The following ROR1 variants were observed in gnomAD, a reference collection of about 807,000 sequenced individuals.
The protein encoded by ROR1 is ROR family WNT receptor 1.
A neutral mutation model predicts 78.8 loss-of-function variants in ROR1; 19 were observed. The observed-to-expected ratio is 0.24, with a 90% CI of 0.17 to 0.35. The LOEUF is 0.35. ROR1 is among the 10% of genes least tolerant of loss of function. ROR1 has a pLI of 1.00. For missense variants in ROR1, 917 were observed against 1,177.8 expected (o/e 0.78, Z 3.24); for synonymous variants, 386 against 433.6 (o/e 0.89, Z 1.36).
intron 1 of ROR1, among the ~76,000 whole-genome samples, chr1:63,863,909 A>T (rs1645199115): frequency 6.6e-6 from 1 of 152,164 alleles, no homozygotes; most frequent in African/African-American, 2.4e-5. Context: ...AATCAATGCT[A>T]GCATTAACTA....
intron 1 of ROR1, among the ~76,000 whole-genome samples, chr1:63,808,255 C>T (rs1216074056): frequency 1.3e-5 from 2 of 152,142 alleles, no homozygotes; most frequent in Non-Finnish European, 2.9e-5. Flanking sequence ...TCTCCTTTTT[C>T]TCCTTCTGTT....
chr1:64,142,882 G>A, intron 7 of ROR1: 1 of 1,359,590 alleles, frequency 7.4e-7, no homozygotes, highest in Non-Finnish European at 9.5e-7. Context: ...TTGCACTCAT[G>A]GATGTAACAG....
At chr1:64,081,704 G>A (rs2100632219) in intron 4 of ROR1, among the ~76,000 whole-genome samples, 1 of 149,634 alleles carries the variant, frequency 6.7e-6, no homozygotes, top group Admixed American at 6.6e-5. Flanking sequence ...CTGGGAGATC[G>A]AGGCTGCAGT....
chr1:63,908,778 G>T (rs189963568), intron 1 of ROR1, among the ~76,000 whole-genome samples: 1 of 152,284 alleles, frequency 6.6e-6, no homozygotes, highest in South Asian at 2.1e-4. Context: ...CTCAGTCTGC[G>T]TAGCTCCTGG....
At chr1:64,067,332 G>C (rs1219246668) in intron 4 of ROR1, among the ~76,000 whole-genome samples, 1 of 151,336 alleles carries the variant, frequency 6.6e-6, no homozygotes, top group African/African-American at 2.4e-5. Context: ...GGGCAACAGA[G>C]GGAGACCCTG....
chr1:63,890,448 A>G (rs1441028120), intron 1 of ROR1, among the ~76,000 whole-genome samples: 2 of 150,392 alleles, frequency 1.3e-5, no homozygotes, highest in Non-Finnish European at 3.0e-5. Flanking sequence ...ATATGAGGGG[A>G]AAAAAGATGA....
At chr1:63,863,709 TTG>T (rs1645196426) in intron 1 of ROR1, among the ~76,000 whole-genome samples, 1 of 32,348 alleles carries the variant, frequency 3.1e-5, no homozygotes, top group African/African-American at 1.8e-4. Flanking sequence ...AACACTGCCA[TTG>T]TATTGTATTG....
intron 4 of ROR1, among the ~76,000 whole-genome samples, chr1:64,083,659 T>C (rs67303860): frequency 0.33 from 50,466 of 151,156 alleles, 10,100 homozygotes; most frequent in East Asian, 0.6. Context: ...GAAAAGCTAC[T>C]GAGGCCAGAG....
chr1:63,870,232 A>G (rs1340651437), intron 1 of ROR1, among the ~76,000 whole-genome samples: 1 of 152,180 alleles, frequency 6.6e-6, no homozygotes, highest in Non-Finnish European at 1.5e-5. Flanking sequence ...TTATTCATGT[A>G]TGCTCTCAAG....
intron 1 of ROR1, among the ~76,000 whole-genome samples, chr1:63,945,002 A>G (rs976239482): frequency 2.0e-5 from 3 of 152,196 alleles, no homozygotes; most frequent in African/African-American, 4.8e-5. Context: ...CAGACCAGTT[A>G]GAATCCAGGG....
intron 1 of ROR1, among the ~76,000 whole-genome samples, chr1:63,824,859 G>A (rs1644944233): frequency 6.6e-6 from 1 of 152,108 alleles, no homozygotes; most frequent in South Asian, 2.1e-4. Context: ...TAGGGCTTAC[G>A]TATGTATAAT....
intron 1 of ROR1, among the ~76,000 whole-genome samples, chr1:63,781,016 T>C (rs1644648550): frequency 6.6e-6 from 1 of 152,070 alleles, no homozygotes; most frequent in Non-Finnish European, 1.5e-5. Context: ...AGAAAAAAAG[T>C]TCATGTTACC....
At chr1:63,863,773 AT>A in intron 1 of ROR1, among the ~76,000 whole-genome samples, 1 of 150,638 alleles carries the variant, frequency 6.6e-6, no homozygotes, top group South Asian at 2.1e-4. Flanking sequence ...ATTGTATTGT[AT>A]TGTATTGTAT....
chr1:64,036,538 T>A (rs938391313), intron 2 of ROR1, among the ~76,000 whole-genome samples: 4 of 152,192 alleles, frequency 2.6e-5, no homozygotes, highest in African/African-American at 7.2e-5. Context: ...TTTGTGATAA[T>A]CCATGTTCAT....
intron 4 of ROR1, among the ~76,000 whole-genome samples, chr1:64,121,178 T>C (rs1027365788): frequency 4.9e-5 from 7 of 144,046 alleles, no homozygotes; most frequent in Non-Finnish European, 9.1e-5. Flanking sequence ...GTCCCTCCCT[T>C]CCTTCCTTTC....
At chr1:63,780,446 G>C (rs1218632229) in intron 1 of ROR1, among the ~76,000 whole-genome samples, 4 of 152,166 alleles carry the variant, frequency 2.6e-5, no homozygotes, top group African/African-American at 9.6e-5. Context: ...CTTACTGGGG[G>C]GTTTTGTGAG....
At chr1:63,959,283 G>C (rs1189635518) in intron 1 of ROR1, among the ~76,000 whole-genome samples, 1 of 150,786 alleles carries the variant, frequency 6.6e-6, no homozygotes, top group African/African-American at 2.5e-5. Flanking sequence ...CGTCCCACTA[G>C]GTCCCTCCAA....
chr1:64,059,795 G>A (rs1646902791), intron 4 of ROR1, among the ~76,000 whole-genome samples: 1 of 151,254 alleles, frequency 6.6e-6, no homozygotes, highest in Admixed American at 6.6e-5. Context: ...AAACCAGTAA[G>A]TCTCCTACCC....
At chr1:64,026,667 A>G (rs1646613255) in intron 2 of ROR1, among the ~76,000 whole-genome samples, 1 of 152,226 alleles carries the variant, frequency 6.6e-6, no homozygotes, top group Admixed American at 6.5e-5. Context: ...GAAAGTTTAC[A>G]ATCATGGCTG....
Sources: gnomAD v4.1 joint callset for allele counts (sites outside exome capture counted in the v4.1 genomes callset) on GRCh38, gnomAD v4.1.1 for gene constraint, MANE v1.5 for transcripts, NCBI Gene and HGNC (gene_info 2026-07-23, HGNC 2026-07-21) for gene names.